Variants in USP24 observed in about 807,000 individuals in gnomAD.
USP24 encodes ubiquitin carboxyl-terminal hydrolase 24.
In USP24, 97 loss-of-function variants were observed where a neutral mutation model predicts 361.6. That is an observed-to-expected ratio of 0.27 (90% CI 0.23 to 0.32). USP24 has a LOEUF of 0.32. USP24 is among the 10% of genes least tolerant of loss of function. USP24 has a pLI of 1.00. For synonymous variants in USP24, 1,098 were observed against 1,124.6 expected (o/e 0.98, Z 0.47); for missense variants, 2,353 against 3,165.6 (o/e 0.74, Z 6.16).
Position 55,171,542 on chromosome 1 carries a change from T to C in USP24, c.825+14A>G. ...ACATTTTTCTATAAAAAGATGAAAC[T>C]AAATGATGTTTACCTTTTGGAAAGT... On this transcript the variant is annotated intron_variant, in intron 5 of 67. Transcript: ENST00000294383. 1 of 1,600,030 alleles carries C rather than the reference T, an allele frequency of 6.2e-7. No homozygotes were observed.
At chr1:55,166,493 A>C in intron 6 of USP24, 75 bp downstream of exon 6, 2 of 1,353,940 alleles carry the variant, frequency 1.5e-6, no homozygotes, top group Non-Finnish European at 2.0e-6. Context: ...CATTTGCTTA[A>C]TATACCAAAC....
chr1:55,164,090 T>G (rs1648574013), intron 7 of USP24, among the ~76,000 whole-genome samples: 1 of 152,036 alleles, frequency 6.6e-6, no homozygotes, highest in Non-Finnish European at 1.5e-5. Context: ...AGTGTCTGCA[T>G]CATGGTATAC....
At chr1:55,100,406 T>C (rs1012096038) in intron 44 of USP24, among the ~76,000 whole-genome samples, 1 of 151,152 alleles carries the variant, frequency 6.6e-6, no homozygotes, top group Non-Finnish European at 1.5e-5. Context: ...TGAGGCAGGA[T>C]AATCGCTTGA....
Position 55,178,045 on chromosome 1 carries a change from C to T in USP24, c.412G>A (p.Asp138Asn), listed in dbSNP as rs1650163958. 1 of 1,551,614 alleles carries T rather than the reference C, an allele frequency of 6.4e-7. No homozygotes were observed. Among genetic ancestry groups the T allele is most frequent in the Non-Finnish European group, 8.7e-7 (1 of 1,146,922 alleles). ...LYELESRVLT[D>N]HWSIPYKREE... ...CGCTTGTAAGGGATGGACCAATGATCAGTCAAAACACGGCTTTCCAGTTCA... is the reference window on the plus strand; with the variant it reads ...CGCTTGTAAGGGATGGACCAATGATTAGTCAAAACACGGCTTTCCAGTTCA... Residue 138 changes from aspartate (D) to asparagine (N), a missense_variant, in exon 2 of 68, where the codon GAT becomes AAT. Asp to Asn is a conservative substitution (Grantham distance 23). This residue lies in a region of USP24 where 253 missense variants were observed against 255.3 expected (regional missense o/e 0.99). Transcript: ENST00000294383.
intron 1 of USP24, among the ~76,000 whole-genome samples, chr1:55,213,082 T>A (rs971001502): frequency 4.6e-5 from 7 of 151,202 alleles, no homozygotes; most frequent in African/African-American, 1.7e-4. Context: ...ATTTCTCACA[T>A]AATGAGGATA....
intron 40 of USP24, 34 bp downstream of exon 40, chr1:55,107,205 A>C: frequency 6.3e-7 from 1 of 1,587,536 alleles, no homozygotes; most frequent in Non-Finnish European, 8.6e-7. Context: ...AGCACTGAAG[A>C]ATCTGCCATG....
At chr1:55,121,924 A>G (rs1194220864) in intron 36 of USP24, among the ~76,000 whole-genome samples, 1 of 152,198 alleles carries the variant, frequency 6.6e-6, no homozygotes, top group Non-Finnish European at 1.5e-5. Flanking sequence ...AATTAAACGA[A>G]ATCAAACAGC....
At chr1:55,183,477 T>C (rs1644035628) in intron 1 of USP24, among the ~76,000 whole-genome samples, 1 of 152,166 alleles carries the variant, frequency 6.6e-6, no homozygotes, top group Non-Finnish European at 1.5e-5. Context: ...ATATTAATTG[T>C]AATCCCCAGG....
chr1:55,120,605 A>C lies in USP24; in HGVS notation c.4499T>G (p.Val1500Gly). 6.5e-7 allele frequency: 1 copy of C among 1,549,914 alleles called. No individual in the cohort carries two copies. The highest frequency in any genetic ancestry group is 8.7e-7 in the Non-Finnish European group (1 of 1,146,982). The change falls in exon 38 of 68, where the codon GTC becomes GGC. Residue 1500 changes from valine (V) to glycine (G), a missense_variant. By Grantham distance (109) the Val-to-Gly change is moderately radical. This residue lies in a region of USP24 where 949 missense variants were observed against 1,280.5 expected (regional missense o/e 0.74). Coordinates refer to ENST00000294383, the MANE Select transcript of USP24 (RefSeq NM_015306.3). The part of the protein sequence containing the change: ...LWSPTSIMRG[V>G]NQRLLSQCME... ...CATTTTTATTACCTACCTCTGATTG[A>C]CTCCTCTCATAATACTAGTTGGAGA...
At chr1:55,147,086 G>A in intron 18 of USP24, 26 bp from the exon 19 acceptor site, 1 of 1,516,164 alleles carries the variant, frequency 6.6e-7, no homozygotes, top group Non-Finnish European at 8.8e-7. Flanking sequence ...ATGCTAATTA[G>A]TTAACTCCAG....
At chr1:55,147,542 T>C (rs1269185497) in intron 18 of USP24, 107 bp downstream of exon 18, 5 of 1,268,226 alleles carry the variant, frequency 3.9e-6, no homozygotes, top group South Asian at 4.2e-5. Context: ...AGATACCTCA[T>C]ACAACCTCTT....
At chr1:55,115,166 A>G (rs1646069713) in intron 38 of USP24, among the ~76,000 whole-genome samples, 1 of 152,310 alleles carries the variant, frequency 6.6e-6, no homozygotes, top group East Asian at 1.9e-4. Flanking sequence ...AGAAATGCAA[A>G]TCAAAACCGC....
At chr1:55,150,500 T>G (rs1647163813) in intron 16 of USP24, among the ~76,000 whole-genome samples, 1 of 152,102 alleles carries the variant, frequency 6.6e-6, no homozygotes, top group African/African-American at 2.4e-5. Flanking sequence ...ATGACAGTAA[T>G]AAAAACTGTA....
intron 1 of USP24, among the ~76,000 whole-genome samples, chr1:55,209,875 C>T (rs146244054): frequency 6.6e-6 from 1 of 151,776 alleles, no homozygotes; most frequent in Non-Finnish European, 1.5e-5. Context: ...TAAAAAACGC[C>T]CTCCTTCACA....
At chr1:55,115,663 C>A (rs1203234459) in intron 38 of USP24, among the ~76,000 whole-genome samples, 1 of 152,116 alleles carries the variant, frequency 6.6e-6, no homozygotes, top group Non-Finnish European at 1.5e-5. Flanking sequence ...AATCCCATCA[C>A]TGGATATATA....
chr1:55,083,147 T>G, intron 58 of USP24, 125 bp downstream of exon 58: 1 of 812,252 alleles, frequency 1.2e-6, no homozygotes, highest in Non-Finnish European at 1.8e-6. Flanking sequence ...CAAAGAATTT[T>G]CAAGTCTCTA....
chr1:55,117,395 A>G (rs991569095), intron 38 of USP24, among the ~76,000 whole-genome samples: 4 of 152,234 alleles, frequency 2.6e-5, no homozygotes, highest in African/African-American at 9.6e-5. Flanking sequence ...CTGTTAACAG[A>G]TGACATGTTA....
At chr1:55,193,701 T>G (rs1007140118) in intron 1 of USP24, among the ~76,000 whole-genome samples, 10 of 152,196 alleles carry the variant, frequency 6.6e-5, no homozygotes, top group African/African-American at 2.4e-4. Flanking sequence ...ACCTAGCTGC[T>G]ACATGTCAGG....
chr1:55,199,637 CAG>C (rs1449893825), intron 1 of USP24, among the ~76,000 whole-genome samples: 3 of 150,430 alleles, frequency 2.0e-5, no homozygotes, highest in Non-Finnish European at 3.0e-5. Flanking sequence ...GAGAGAGAGA[CAG>C]ACAGAGAGAG....
Sources: allele counts gnomAD v4.1 joint callset (sites outside exome capture counted in the v4.1 genomes callset), GRCh38; gene constraint gnomAD v4.1.1; regional missense constraint gnomAD v4.1.1; transcripts MANE v1.5; gene names NCBI Gene and HGNC (gene_info 2026-07-23, HGNC 2026-07-21).